The following OR2AG2 variants were observed in gnomAD, a reference collection of about 807,000 sequenced individuals.
OR2AG2 encodes olfactory receptor family 2 subfamily AG member 2.
For synonymous variants in OR2AG2, 167 were observed against 157.1 expected (o/e 1.06, Z -0.47); for missense variants, 390 against 391.9 (o/e 1.00, Z 0.04).
At position 6,771,604 on chromosome 11, in the gene OR2AG2, C is replaced by T. The variant is rs760812682; in HGVS notation, c.-538+18G>A. The T allele has an allele frequency of 5.3e-5, 8 of 152,158 alleles. No homozygotes were observed. Among genetic ancestry groups the T allele is most frequent in the Admixed American group, 1.3e-4 (2 of 15,272 alleles). The allele number at this position is 152,158 out of a possible 1,614,324, so 9.4% of individuals were successfully genotyped here. A position where few individuals can be genotyped will look rare whatever the true frequency, so the allele number is the denominator to read the frequency against. On this transcript the variant is annotated intron_variant, in intron 1 of 1. Transcript: ENST00000641124. ...CCAGACTTCCCATATTGCCTTGAAACGGAGACAGAGCCCTTACCTCATATG... is the reference window on the plus strand; with the variant it reads ...CCAGACTTCCCATATTGCCTTGAAATGGAGACAGAGCCCTTACCTCATATG...
chr11:6,770,738 T>A (rs1847438743), intron 1 of OR2AG2, among the ~76,000 whole-genome samples: 2 of 152,222 alleles, frequency 1.3e-5, no homozygotes, highest in South Asian at 4.1e-4. Context: ...AATAAAAAGA[T>A]GAATGGACAG....
Position 6,770,465 on chromosome 11 carries a change from T to A in OR2AG2, c.-537-971A>T, listed in dbSNP as rs536358109. ...AACCTTAAAATACAGTACATGAATG[T>A]CCTCCTTGCACTTTTGCCCAGTGAA... On this transcript the variant is annotated intron_variant, in intron 1 of 1. Transcript: ENST00000641124. Among the ~76,000 whole-genome samples, 47 of 151,884 alleles carry A rather than the reference T, an allele frequency of 3.1e-4. 1 individual carries two copies. Among genetic ancestry groups the A allele is most frequent in the Admixed American group, 3.0e-3 (45 of 15,246 alleles).
rs528663947 is a variant in OR2AG2 at position 6,766,633 on chromosome 11, G to T, written c.*1374C>A. 1 of 152,114 alleles carries T rather than the reference G, an allele frequency of 6.6e-6. No individual in the cohort carries two copies. The highest frequency in any genetic ancestry group is 1.9e-4 in the East Asian group (1 of 5,184). 9.4% of individuals were successfully genotyped at this position (152,114 alleles called of 1,614,324 possible). ...GAATAATAACACCTATGTAAGCCAA[G>T]ATATTTTGGGAATTCTGCATTCAAC... On this transcript the variant is annotated 3_prime_UTR_variant, in exon 2 of 2. Coordinates refer to ENST00000641124, the MANE Select transcript of OR2AG2 (RefSeq NM_001004490.2).
At position 6,766,242 on chromosome 11, in the gene OR2AG2, A is replaced by C. The variant is rs1410872281; in HGVS notation, c.*1765T>G. The C allele has an allele frequency of 1.3e-5, 2 of 152,248 alleles. No individual in the cohort carries two copies. The highest frequency in any genetic ancestry group is 4.8e-5 in the African/African-American group (2 of 41,560). The allele number at this position is 152,248 out of a possible 1,614,324, so 9.4% of individuals were successfully genotyped here. A position where few individuals can be genotyped will look rare whatever the true frequency, so the allele number is the denominator to read the frequency against. On this transcript the variant is annotated 3_prime_UTR_variant, in exon 2 of 2. Transcript: ENST00000641124. ...CGTTCAAAGATGCATAGATGACCAAAGGAAGAGAGGGATTCAAATGCGGGC... is the reference window on the plus strand; with the variant it reads ...CGTTCAAAGATGCATAGATGACCAACGGAAGAGAGGGATTCAAATGCGGGC...
In OR2AG2 at chr11:6,768,678, A is replaced by C; in HGVS notation, c.280T>G (p.Phe94Val). The C allele has an allele frequency of 1.2e-6, 2 of 1,614,178 alleles. No individual in the cohort carries two copies. The highest frequency in any genetic ancestry group is 8.5e-7 in the Non-Finnish European group (1 of 1,180,020). ...DFLRRENTISFGGCALQMFLA... is the reference protein window; with the variant it reads ...DFLRRENTISVGGCALQMFLA... The stretch of plus-strand genomic sequence containing the variant: ...AACATCTGAAGTGCACAGCCTCCAA[A>C]GGAGATAGTGTTTTCTCTGCGCAGA... Residue 94 changes from phenylalanine to valine, a missense_variant, in exon 2 of 2, where the codon TTT becomes GTT. Transcript: ENST00000641124.
chr11:6,767,940 G>T lies in OR2AG2; in HGVS notation c.*67C>A. 7.7e-7 allele frequency: 1 copy of T among 1,294,452 alleles called. No homozygotes were observed. The highest frequency in any genetic ancestry group is 1.1e-6 in the Non-Finnish European group (1 of 928,950). 80.2% of individuals were successfully genotyped at this position (1,294,452 alleles called of 1,614,324 possible). ...GAGTGAGTAGAGAATTTTATTTGGA[G>T]CAGGAATGAGTGAGTAGAGAATTTT... On this transcript the variant is annotated 3_prime_UTR_variant, in exon 2 of 2. Transcript: ENST00000641124.
rs771431828 is a variant in OR2AG2 at position 6,768,186 on chromosome 11, T to C, written c.772A>G (p.Met258Val). 11 of 1,614,174 alleles carry C rather than the reference T, an allele frequency of 6.8e-6. No individual in the cohort carries two copies. The highest frequency in any genetic ancestry group is 1.1e-5 in the South Asian group (1 of 91,078). Residue 258 changes from methionine (M) to valine (V), a missense_variant, in exon 2 of 2, where the codon ATG (methionine) becomes GTG (valine). By Grantham distance (21) the Met-to-Val change is conservative. Transcript: ENST00000641124. ...VGMFYGAATF[M>V]YVLPSSFHSP... is the part of the protein sequence containing the mutation. Reference sequence around the variant, plus strand: ...TGGAAGGAACTGGGCAAGACATACATGAATGTGGCAGCTCCATAGAACATC... The same window carrying C: ...TGGAAGGAACTGGGCAAGACATACACGAATGTGGCAGCTCCATAGAACATC...
In OR2AG2 at chr11:6,768,287, G is replaced by A. The variant is rs769456181; in HGVS notation, c.671C>T (p.Thr224Ile). The A allele has an allele frequency of 1.9e-6, 3 of 1,614,134 alleles. No homozygotes were observed. The highest frequency in any genetic ancestry group is 2.5e-6 in the Non-Finnish European group (3 of 1,180,024). The change falls in exon 2 of 2, where the codon ACT (threonine) becomes ATT (isoleucine). Residue 224 changes from threonine (T) to isoleucine (I), a missense_variant. Physicochemically the swap from Thr to Ile is moderately conservative, Grantham distance 89. Coordinates refer to ENST00000641124, the MANE Select transcript of OR2AG2 (RefSeq NM_001004490.2). The part of the protein sequence containing the change: ...IVASYTLVLF[T>I]VLRMPSNEGR... ...CTCATTTGATGGCATACGAAGCACA[G>A]TGAATAGGACTAGTGTGTAGGAGGC...
At position 6,771,723 on chromosome 11, in the gene OR2AG2, C is replaced by T. The variant is rs943054176; in HGVS notation, c.-639G>A. On this transcript the variant is annotated 5_prime_UTR_variant, in exon 1 of 2. Coordinates refer to ENST00000641124, the MANE Select transcript of OR2AG2 (RefSeq NM_001004490.2). ...AGGATGAATGTAGGTGTGTGTATGG[C>T]TGTCTCTAGGATCAGAGATCAAAGG... 2.6e-5 allele frequency: 4 copies of T among 152,200 alleles called. No homozygotes were observed. The highest frequency in any genetic ancestry group is 9.7e-5 in the African/African-American group (4 of 41,432). The allele number at this position is 152,200 out of a possible 1,614,324, so 9.4% of individuals were successfully genotyped here. A position where few individuals can be genotyped will look rare whatever the true frequency, so the allele number is the denominator to read the frequency against.
intron 1 of OR2AG2, among the ~76,000 whole-genome samples, chr11:6,770,908 G>A (rs1410776647): frequency 6.6e-6 from 1 of 152,108 alleles, no homozygotes; most frequent in African/African-American, 2.4e-5. Context: ...TCTGATACGG[G>A]ACTATTGTTT....
chr11:6,768,403 C>A lies in OR2AG2; in HGVS notation c.555G>T (p.Leu185=), dbSNP rs1340364523. Residue 185 remains leucine (L), a synonymous_variant, in exon 2 of 2, where the codon CTG becomes CTT. Coordinates refer to ENST00000641124, the MANE Select transcript of OR2AG2 (RefSeq NM_001004490.2). ...RHLLCEIPPL[L]KLACADTSRY... is the part of the protein sequence containing the mutation. ...TGGAGGTATCAGCACAGGCCAACTT[C>A]AGCAAGGGTGGGATCTCACAGAGCA... The A allele has an allele frequency of 6.2e-7, 1 of 1,614,166 alleles. No individual in the cohort carries two copies.
rs1327299918 is a variant in OR2AG2 at position 6,766,036 on chromosome 11, AG to A, written c.*1970del. 3 of 152,174 alleles carry A rather than the reference AG, an allele frequency of 2.0e-5. No homozygotes were observed. The highest frequency in any genetic ancestry group is 4.4e-5 in the Non-Finnish European group (3 of 68,016). 9.4% of individuals were successfully genotyped at this position (152,174 alleles called of 1,614,324 possible). On this transcript the variant is annotated 3_prime_UTR_variant, in exon 2 of 2. Transcript: ENST00000641124. ...AATAATAAAATAAGATTTTTTAAAA[AG>A]GCTTTTTACTATTTATCCATATAGC...
rs1250566281 is a variant in OR2AG2, at chr11:6,768,623, T to C, written c.335A>G (p.Asp112Gly). 5 of 1,613,994 alleles carry C rather than the reference T, an allele frequency of 3.1e-6. No homozygotes were observed. Among genetic ancestry groups the C allele is most frequent in the Non-Finnish European group, 4.2e-6 (5 of 1,180,002 alleles). The change falls in exon 2 of 2, where the codon GAC becomes GGC. Residue 112 changes from aspartate (D) to glycine (G), a missense_variant. By Grantham distance (94) the Asp-to-Gly change is moderately conservative. Coordinates refer to ENST00000641124, the MANE Select transcript of OR2AG2 (RefSeq NM_001004490.2). ...ATAGGCCATGAAGGCCAGTAGGAGG[T>C]CCTCAGCGCTACCCATTGTCAGTGC... ...FLALTMGSAE[D>G]LLLAFMAYDR...
In OR2AG2 at chr11:6,767,207, C is replaced by G. The variant is rs1847385066; in HGVS notation, c.*800G>C. 6.6e-6 allele frequency: 1 copy of G among 152,262 alleles called. No individual in the cohort carries two copies. The highest frequency in any genetic ancestry group is 2.1e-4 in the South Asian group (1 of 4,828). The allele number at this position is 152,262 out of a possible 1,614,324, so 9.4% of individuals were successfully genotyped here. ...TCTCCTGCCTCAGCCTCCCGAGTAG[C>G]TGGGATTACAGGCACCCACAACTAT... is the stretch of plus-strand genomic sequence containing the variant. On this transcript the variant is annotated 3_prime_UTR_variant, in exon 2 of 2. Coordinates refer to ENST00000641124, the MANE Select transcript of OR2AG2 (RefSeq NM_001004490.2).
Position 6,768,265 on chromosome 11 carries a change from AT to A in OR2AG2, c.692del (p.Asn231MetfsTer15). The A allele has an allele frequency of 6.2e-7, 1 of 1,614,158 alleles. No homozygotes were observed. The highest frequency in any genetic ancestry group is 8.5e-7 in the Non-Finnish European group (1 of 1,180,026). Reference sequence around the variant, plus strand: ...TGACAAGGGCTTTCTTCCTCCCCTCATTTGATGGCATACGAAGCACAGTGAA... The same window carrying A: ...TGACAAGGGCTTTCTTCCTCCCCTCATTGATGGCATACGAAGCACAGTGAA... ...VLFTVLRMPSNEGRKKALVTC... is the reference protein window; with the variant it reads ...VLFTVLRMPSXEGRKKALVTC... On this transcript the variant is annotated frameshift_variant, in exon 2 of 2. Coordinates refer to ENST00000641124, the MANE Select transcript of OR2AG2 (RefSeq NM_001004490.2). LOFTEE classifies it low-confidence loss of function (END_TRUNC).
In OR2AG2 at chr11:6,768,026, A is replaced by G. The variant is rs145351881; in HGVS notation, c.932T>C (p.Leu311Pro). ...CCTTCCCTAGAGCGTGGAATGTGCCAGCAGTATGTATTTTCCCAGGACCCT... is the reference window on the plus strand; with the variant it reads ...CCTTCCCTAGAGCGTGGAATGTGCCGGCAGTATGTATTTTCCCAGGACCCT... Reference protein sequence around the residue: ...LRRVLGKYILLAHSTL With the variant: ...LRRVLGKYILPAHSTL Residue 311 changes from leucine (L) to proline (P), a missense_variant, in exon 2 of 2, where the codon CTG (leucine) becomes CCG (proline). Leu to Pro is a moderately conservative substitution (Grantham distance 98). Coordinates refer to ENST00000641124, the MANE Select transcript of OR2AG2 (RefSeq NM_001004490.2). 954 of 1,613,336 alleles carry G rather than the reference A, an allele frequency of 5.9e-4. 8 individuals carry two copies. The African/African-American group carries it at 0.011, about 19-fold the overall frequency.
In OR2AG2 at chr11:6,768,230, G is replaced by A; in HGVS notation, c.728C>T (p.Ser243Phe). Residue 243 changes from serine to phenylalanine, a missense_variant, in exon 2 of 2, where the codon TCC becomes TTC. By Grantham distance (155) the Ser-to-Phe change is radical. Coordinates refer to ENST00000641124, the MANE Select transcript of OR2AG2 (RefSeq NM_001004490.2). ...GRKKALVTCS[S>F]HLIVVGMFYG... is the part of the protein sequence containing the mutation. ...GAACATCCCGACCACAATCAGGTGG[G>A]AAGAGCAGGTGACAAGGGCTTTCTT... is the stretch of plus-strand genomic sequence containing the variant. 1 of 1,614,174 alleles carries A rather than the reference G, an allele frequency of 6.2e-7. No individual in the cohort carries two copies. Among genetic ancestry groups the A allele is most frequent in the East Asian group, 2.2e-5 (1 of 44,878 alleles).
rs775289425 is a variant in OR2AG2, at chr11:6,768,904, C to G, written c.54G>C (p.Leu18=). 1.2e-6 allele frequency: 2 copies of G among 1,613,444 alleles called. No homozygotes were observed. The highest frequency in any genetic ancestry group is 2.2e-5 in the South Asian group (2 of 91,050). Residue 18 remains leucine, a synonymous_variant, in exon 2 of 2, where the codon CTG becomes CTC. Coordinates refer to ENST00000641124, the MANE Select transcript of OR2AG2 (RefSeq NM_001004490.2). ...LGSGFILVGI[L]NDSGSPELLY... ...GCAGTTCAGGAGACCCACTGTCATT[C>G]AGAATCCCCACCAAGATGAAGCCGC...
At position 6,768,762 on chromosome 11, in the gene OR2AG2, G is replaced by A. The variant is rs1372587125; in HGVS notation, c.196C>T (p.Leu66Phe). 3.1e-6 allele frequency: 5 copies of A among 1,614,006 alleles called. No homozygotes were observed. Among genetic ancestry groups the A allele is most frequent in the African/African-American group, 1.3e-5 (1 of 74,880 alleles). ...GTGAACAGGAGGTCCATGAGAGAGA[G>A]CTGCCCAAGCAGGAGGTACATGGGC... Reference protein sequence around the residue: ...HMPMYLLLGQLSLMDLLFTSV... With the variant: ...HMPMYLLLGQFSLMDLLFTSV... The change falls in exon 2 of 2, where the codon CTC (leucine) becomes TTC (phenylalanine). Residue 66 changes from leucine to phenylalanine, a missense_variant. By Grantham distance (22) the Leu-to-Phe change is conservative. Coordinates refer to ENST00000641124, the MANE Select transcript of OR2AG2 (RefSeq NM_001004490.2).
Sources: gnomAD v4.1 joint callset for allele counts (sites outside exome capture counted in the v4.1 genomes callset) on GRCh38, gnomAD v4.1.1 for gene constraint, MANE v1.5 for transcripts, NCBI Gene and HGNC (gene_info 2026-07-23, HGNC 2026-07-21) for gene names.